The following RAB11FIP1 variants were observed in gnomAD, a reference collection of about 807,000 sequenced individuals.
RAB11FIP1 encodes rab11 family-interacting protein 1.
RAB11FIP1 carries 49 observed loss-of-function variants against 83.1 expected under a neutral mutation model. That is an observed-to-expected ratio of 0.59 (90% CI 0.47 to 0.75). The LOEUF is 0.75. RAB11FIP1 is among the 30% of genes least tolerant of loss of function. The pLI is 0.00. For synonymous variants in RAB11FIP1, 670 were observed against 656.0 expected (o/e 1.02, Z -0.33); for missense variants, 1,536 against 1,598.7 (o/e 0.96, Z 0.67).
Position 37,875,055 on chromosome 8 carries a change from A to C in RAB11FIP1, c.1082T>G (p.Leu361Arg). ...KKHLFSSTEN[L>R]AAGSWKEPAE... ...AGGCTCCTTCCAAGACCCAGCCGCC[A>C]GGTTCTCTGTAGAAGAGAACAAATG... Residue 361 changes from leucine to arginine, a missense_variant, in exon 3 of 6, where the codon CTG becomes CGG. Leu to Arg is a moderately radical substitution (Grantham distance 102). Transcript: ENST00000330843. The C allele has an allele frequency of 3.1e-6, 5 of 1,614,200 alleles. No individual in the cohort carries two copies. The highest frequency in any genetic ancestry group is 4.2e-6 in the Non-Finnish European group (5 of 1,180,040).
At chr8:37,898,549 A>G (rs905900240) in intron 1 of RAB11FIP1, among the ~76,000 whole-genome samples, 3 of 151,586 alleles carry the variant, frequency 2.0e-5, no homozygotes, top group Middle Eastern at 3.4e-3. Flanking sequence ...GCTACTCGGG[A>G]GGCTCAGGCA....
chr8:37,896,096 G>A (rs1242727745), intron 1 of RAB11FIP1, among the ~76,000 whole-genome samples: 1 of 152,024 alleles, frequency 6.6e-6, no homozygotes, highest in African/African-American at 2.4e-5. Flanking sequence ...GATCACCTGA[G>A]GTCAGGAGTT....
chr8:37,878,391 G>A (rs772281649), intron 1 of RAB11FIP1, among the ~76,000 whole-genome samples: 26 of 151,404 alleles, frequency 1.7e-4, no homozygotes, highest in South Asian at 4.2e-4. Flanking sequence ...AAAATTAGCC[G>A]GGTGTGGTGG....
At chr8:37,867,940 G>A (rs1298091977) in intron 5 of RAB11FIP1, among the ~76,000 whole-genome samples, 2 of 152,076 alleles carry the variant, frequency 1.3e-5, no homozygotes, top group African/African-American at 4.8e-5. Context: ...GGAATAACAA[G>A]TACCCAGCAC....
At chr8:37,890,329 T>TA (rs34387248) in intron 1 of RAB11FIP1, among the ~76,000 whole-genome samples, 41 of 152,290 alleles carry the variant, frequency 2.7e-4, no homozygotes, top group South Asian at 1.7e-3. Flanking sequence ...TGTCCTTTTT[T>TA]AAAAAGTGAA....
chr8:37,877,706 GA>G, intron 1 of RAB11FIP1, 155 bp from the exon 2 acceptor site: 1 of 295,472 alleles, frequency 3.4e-6, no homozygotes, highest in Non-Finnish European at 6.1e-6. Context: ...GATGAGAGCA[GA>G]ATTTTTTTTT....
At chr8:37,882,306 C>T (rs1325903194) in intron 1 of RAB11FIP1, among the ~76,000 whole-genome samples, 1 of 152,126 alleles carries the variant, frequency 6.6e-6, no homozygotes. Flanking sequence ...GTATTCCTAG[C>T]CTCTAGATGT....
chr8:37,894,541 G>A (rs775473332), intron 1 of RAB11FIP1, among the ~76,000 whole-genome samples: 6 of 151,682 alleles, frequency 4.0e-5, no homozygotes, highest in Non-Finnish European at 7.4e-5. Context: ...GAGGACTATC[G>A]CAATATTAAG....
In RAB11FIP1 at chr8:37,866,367, T is replaced by A. The variant is rs114652960; in HGVS notation, c.3634-3254A>T. Among the ~76,000 whole-genome samples the A allele has an allele frequency of 8.2e-3, 1,240 of 151,534 alleles. 14 individuals are homozygous for A. Among genetic ancestry groups the A allele is most frequent in the African/African-American group, 0.029 (1,185 of 41,330 alleles). ...AAAAAAAATTATAAATAAGCCAGCATCATAAAAAGTGAGTAATGGCCTTGG... is the reference window on the plus strand; with the variant it reads ...AAAAAAAATTATAAATAAGCCAGCAACATAAAAAGTGAGTAATGGCCTTGG... On this transcript the variant is annotated intron_variant, in intron 5 of 5. Transcript: ENST00000330843.
chr8:37,880,755 C>T (rs1806719164), intron 1 of RAB11FIP1, among the ~76,000 whole-genome samples: 1 of 148,790 alleles, frequency 6.7e-6, no homozygotes, highest in Admixed American at 6.7e-5. Context: ...CAGAGTGAGA[C>T]CCTATCCCTT....
intron 1 of RAB11FIP1, among the ~76,000 whole-genome samples, chr8:37,894,148 G>T (rs576640329): frequency 3.3e-5 from 5 of 152,074 alleles, no homozygotes; most frequent in Non-Finnish European, 7.4e-5. Context: ...TCCAAGAAAA[G>T]AAAAATGTAA....
chr8:37,864,805 G>C (rs915780196), intron 5 of RAB11FIP1, among the ~76,000 whole-genome samples: 1 of 152,120 alleles, frequency 6.6e-6, no homozygotes, highest in Admixed American at 6.6e-5. Context: ...ATGCATTCAC[G>C]ATGCACCTCC....
In RAB11FIP1 at chr8:37,899,119, T is replaced by A; in HGVS notation, c.323A>T (p.Glu108Val). The change falls in exon 1 of 6, where the codon GAG (glutamate) becomes GTG (valine). Residue 108 changes from glutamate (E) to valine (V), a missense_variant. Coordinates refer to ENST00000330843, the MANE Select transcript of RAB11FIP1 (RefSeq NM_001002814.3). This position sits in a 1 kb window ranked among gnomAD's most constrained non-coding sequence, Gnocchi z 4.5. ...LGLDKFLGRAEVDLRDLHRDQ... is the reference protein window; with the variant it reads ...LGLDKFLGRAVVDLRDLHRDQ... ...GCGGTGCAGATCCCGCAGGTCCACC[T>A]CGGCGCGGCCCAGGAACTTGTCGAG... 1 of 1,535,122 alleles carries A rather than the reference T, an allele frequency of 6.5e-7. No homozygotes were observed. The highest frequency in any genetic ancestry group is 8.7e-7 in the Non-Finnish European group (1 of 1,150,520).
intron 1 of RAB11FIP1, among the ~76,000 whole-genome samples, chr8:37,884,042 T>TTTTA (rs74283501): frequency 0.031 from 4,741 of 151,514 alleles, 95 homozygotes; most frequent in Non-Finnish European, 0.04. Context: ...AGTGACATAA[T>TTTTA]TTTATTTATT....
chr8:37,889,105 C>T (rs1272082280), intron 1 of RAB11FIP1, among the ~76,000 whole-genome samples: 4 of 152,040 alleles, frequency 2.6e-5, no homozygotes, highest in African/African-American at 7.2e-5. Flanking sequence ...CTTTACTTTC[C>T]GCAACTTATT....
In RAB11FIP1 at chr8:37,872,330, A is replaced by G. The variant is rs755568011; in HGVS notation, c.2472T>C (p.Ala824=). 6.2e-7 allele frequency: 1 copy of G among 1,614,142 alleles called. No homozygotes were observed. Among genetic ancestry groups the G allele is most frequent in the Non-Finnish European group, 8.5e-7 (1 of 1,180,026 alleles). ...TGCTGTGTCCTTCCACCAGCAAGGC[A>G]GCCCCCGCCACTGCCTCTTCCGTGA... ...QLFTEEAVAG[A]ALLVEGHSSC... The change falls in exon 4 of 6, where the codon GCT becomes GCC. Residue 824 remains alanine, a synonymous_variant. Coordinates refer to ENST00000330843, the MANE Select transcript of RAB11FIP1 (RefSeq NM_001002814.3).
Position 37,871,624 on chromosome 8 carries a change from A to C in RAB11FIP1, c.3178T>G (p.Ser1060Ala). 6.2e-7 allele frequency: 1 copy of C among 1,606,528 alleles called. No individual in the cohort carries two copies. The highest frequency in any genetic ancestry group is 8.5e-7 in the Non-Finnish European group (1 of 1,174,404). ...GIHKPHLGKS[S>A]SLDKQLPGPS... ...CCTGGCAGCTGTTTATCCAAGCTTG[A>C]GCTCTTGCCAAGATGTGGTTTGTGA... The change falls in exon 4 of 6, where the codon TCA becomes GCA. Residue 1060 changes from serine to alanine, a missense_variant. Ser to Ala is a moderately conservative substitution (Grantham distance 99). Transcript: ENST00000330843.
In RAB11FIP1 at chr8:37,859,107, G is replaced by T. The variant is rs116673212; in HGVS notation, c.*3788C>A. On this transcript the variant is annotated 3_prime_UTR_variant, in exon 6 of 6. Transcript: ENST00000330843. The stretch of plus-strand genomic sequence containing the variant: ...GGCGATCCTTCAGTTGGAGGAAGAG[G>T]GCGTCAGTTAAGTAGCTCACACAGT... The T allele has an allele frequency of 6.6e-6, 1 of 152,122 alleles. No homozygotes were observed. The highest frequency in any genetic ancestry group is 1.5e-5 in the Non-Finnish European group (1 of 68,032). 9.4% of individuals were successfully genotyped at this position (152,122 alleles called of 1,614,324 possible).
At chr8:37,886,493 C>T (rs1270437188) in intron 1 of RAB11FIP1, among the ~76,000 whole-genome samples, 1 of 152,236 alleles carries the variant, frequency 6.6e-6, no homozygotes, top group Non-Finnish European at 1.5e-5. Flanking sequence ...TCTGGGTTAC[C>T]TCCACACTTT....
Sources: gnomAD v4.1 joint callset for allele counts (sites outside exome capture counted in the v4.1 genomes callset) on GRCh38, gnomAD v4.1.1 for gene constraint, Gnocchi (gnomAD v3.1) non-coding constraint, MANE v1.5 for transcripts, NCBI Gene and HGNC (gene_info 2026-07-23, HGNC 2026-07-21) for gene names.